Variants in TMEM74 observed in about 807,000 individuals in gnomAD.
TMEM74 encodes the protein transmembrane protein 74.
TMEM74 carries 13 observed loss-of-function variants against 18.1 expected under a neutral mutation model. The observed-to-expected ratio is 0.72, with a 90% confidence interval of 0.47 to 1.14. TMEM74 has a LOEUF of 1.14. TMEM74 is among the 50% of genes most tolerant of loss of function. The pLI is 0.00. For missense variants in TMEM74, 372 were observed against 375.9 expected, an observed-to-expected ratio of 0.99 and a Z score of 0.09; for synonymous variants, 159 against 146.6, an observed-to-expected ratio of 1.08 and a Z score of -0.61.
At chr8:108,624,813 G>A (rs929241083) in intron 2 of TMEM74, among the ~76,000 whole-genome samples, 2 of 151,900 alleles carry the variant, frequency 1.3e-5, no homozygotes, top group Admixed American at 1.3e-4. Flanking sequence ...TAGGAACTGT[G>A]TGTCTATAAC....
At chr8:108,623,733 C>T (rs1812466669) in intron 2 of TMEM74, among the ~76,000 whole-genome samples, 1 of 151,986 alleles carries the variant, frequency 6.6e-6, no homozygotes, top group Admixed American at 6.6e-5. Flanking sequence ...TGATGCTTTC[C>T]TCTAACCCAG....
At chr8:108,636,923 G>T (rs1812612519) in intron 2 of TMEM74, among the ~76,000 whole-genome samples, 1 of 152,084 alleles carries the variant, frequency 6.6e-6, no homozygotes, top group Non-Finnish European at 1.5e-5. Context: ...CAGCTACTAT[G>T]TGTTGACCAT....
At chr8:108,736,439 A>G (rs1054281195) in intron 1 of TMEM74, among the ~76,000 whole-genome samples, 3 of 152,148 alleles carry the variant, frequency 2.0e-5, no homozygotes, top group Non-Finnish European at 2.9e-5. Flanking sequence ...TGACAACTCT[A>G]GTGATAATTA....
At chr8:108,705,303 T>G (rs1425047993) in intron 1 of TMEM74, among the ~76,000 whole-genome samples, 1 of 152,206 alleles carries the variant, frequency 6.6e-6, no homozygotes, top group African/African-American at 2.4e-5. Flanking sequence ...GAAGGAAGGT[T>G]ATTTATCTGT....
chr8:108,665,380 T>A (rs968862141), intron 1 of TMEM74, among the ~76,000 whole-genome samples: 4 of 152,026 alleles, frequency 2.6e-5, no homozygotes, highest in African/African-American at 9.7e-5. Context: ...TCTGGAATCC[T>A]GGATAAGAGA....
chr8:108,648,093 T>A (rs986575814), intron 2 of TMEM74, among the ~76,000 whole-genome samples: 14 of 152,130 alleles, frequency 9.2e-5, no homozygotes, highest in Non-Finnish European at 4.4e-5. Context: ...AATTGAAAAA[T>A]AGCCACAGGT....
intron 1 of TMEM74, among the ~76,000 whole-genome samples, chr8:108,666,810 C>T (rs1355838004): frequency 6.6e-6 from 1 of 152,128 alleles, no homozygotes; most frequent in Non-Finnish European, 1.5e-5. Context: ...TACCCAAATA[C>T]TGCATTACAT....
At chr8:108,650,426 C>G (rs76971146) in intron 2 of TMEM74, among the ~76,000 whole-genome samples, 1 of 152,122 alleles carries the variant, frequency 6.6e-6, no homozygotes, top group South Asian at 2.1e-4. Context: ...CTATTGTGTT[C>G]TCATTTCATG....
intron 1 of TMEM74, among the ~76,000 whole-genome samples, chr8:108,663,575 G>A (rs1029736513): frequency 2.0e-5 from 3 of 152,146 alleles, no homozygotes; most frequent in African/African-American, 7.2e-5. Flanking sequence ...CCTACAGGCA[G>A]AAATAACATT....
chr8:108,778,182 G>A (rs1814255900), downstream of TMEM74, among the ~76,000 whole-genome samples: 1 of 152,142 alleles, frequency 6.6e-6, no homozygotes, highest in Non-Finnish European at 1.5e-5. Flanking sequence ...AGTCATTAGT[G>A]TCATTTGCCA....
intron 1 of TMEM74, among the ~76,000 whole-genome samples, chr8:108,753,212 T>C (rs748237470): frequency 5.3e-5 from 8 of 152,130 alleles, no homozygotes; most frequent in Non-Finnish European, 1.2e-4. Flanking sequence ...ATGGGAAGAA[T>C]ATCTTGGCTG....
intron 1 of TMEM74, among the ~76,000 whole-genome samples, chr8:108,703,435 G>A (rs1813357972): frequency 6.6e-6 from 1 of 152,092 alleles, no homozygotes; most frequent in South Asian, 2.1e-4. Flanking sequence ...CAGGGAAGAG[G>A]AATCAAAGTA....
chr8:108,635,471 T>C (rs1812597957), intron 2 of TMEM74, among the ~76,000 whole-genome samples: 1 of 152,100 alleles, frequency 6.6e-6, no homozygotes, highest in Non-Finnish European at 1.5e-5. Flanking sequence ...CAGCATCTCT[T>C]AAATCATCTC....
intron 1 of TMEM74, among the ~76,000 whole-genome samples, chr8:108,693,183 G>T (rs545526450): frequency 4.6e-5 from 7 of 152,264 alleles, no homozygotes; most frequent in African/African-American, 1.7e-4. Context: ...TATGGCTGGA[G>T]TATTATATAA....
At chr8:108,630,637 T>C (rs1378214839) in intron 2 of TMEM74, among the ~76,000 whole-genome samples, 2 of 152,050 alleles carry the variant, frequency 1.3e-5, no homozygotes, top group African/African-American at 2.4e-5. Flanking sequence ...CAGACCACAG[T>C]GCAATCAAAT....
At chr8:108,668,267 A>C (rs1040469751) in intron 1 of TMEM74, among the ~76,000 whole-genome samples, 30 of 152,182 alleles carry the variant, frequency 2.0e-4, no homozygotes, top group Non-Finnish European at 1.0e-4. Context: ...CTCAAAGCTG[A>C]TTTCTAGTTA....
At chr8:108,768,024 C>A (rs1372661662) in intron 1 of TMEM74, among the ~76,000 whole-genome samples, 1 of 152,056 alleles carries the variant, frequency 6.6e-6, no homozygotes, top group African/African-American at 2.4e-5. Flanking sequence ...CTCTGGATCC[C>A]AATTTTGGGC....
intron 1 of TMEM74, among the ~76,000 whole-genome samples, chr8:108,705,313 T>C (rs1288258430): frequency 6.6e-6 from 1 of 152,180 alleles, no homozygotes. Flanking sequence ...TATTTATCTG[T>C]GTTAACAACG....
chr8:108,723,732 C>T (rs1813607881), intron 1 of TMEM74, among the ~76,000 whole-genome samples: 1 of 151,906 alleles, frequency 6.6e-6, no homozygotes, highest in African/African-American at 2.4e-5. Flanking sequence ...ACATTCAACA[C>T]CAAAACCAAG....
Sources: gnomAD v4.1 joint callset for allele counts (sites outside exome capture counted in the v4.1 genomes callset) on GRCh38, gnomAD v4.1.1 for gene constraint, MANE v1.5 for transcripts, NCBI Gene and HGNC (gene_info 2026-07-23, HGNC 2026-07-21) for gene names.